APAF1: variants seen among roughly 807,000 people sequenced by gnomAD.
APAF1 encodes the protein apoptotic protease-activating factor 1.
Under a neutral mutation model 152.4 loss-of-function variants are expected in APAF1, and 91 were observed. That is an observed-to-expected ratio of 0.60 (90% CI 0.50 to 0.71). The LOEUF (loss-of-function observed/expected upper bound fraction) is 0.71, where lower values mean the gene tolerates loss of function less well. Among genes scored for constraint, APAF1 ranks in the 30% least tolerant of loss-of-function variants. APAF1 has a pLI of 0.00. For synonymous variants in APAF1, 484 were observed against 494.1 expected (o/e 0.98, Z 0.27); for missense variants, 1,283 against 1,472.0 (o/e 0.87, Z 2.10).
chr12:98,703,221 C>A, intron 17 of APAF1, 150 bp from the exon 18 acceptor site: 1 of 773,414 alleles, frequency 1.3e-6, no homozygotes, highest in Non-Finnish European at 2.2e-6. Context: ...GTATATTGAT[C>A]CATATTTTGT....
chr12:98,662,034 A>G (rs774976361), intron 5 of APAF1, among the ~76,000 whole-genome samples: 1 of 152,118 alleles, frequency 6.6e-6, no homozygotes, highest in African/African-American at 2.4e-5. Flanking sequence ...AAATGGTCAC[A>G]TATCATCATT....
In APAF1 at chr12:98,662,885, G is replaced by A. The variant is rs1307173313; in HGVS notation, c.955+79G>A. The A allele has an allele frequency of 1.4e-5, 20 of 1,425,216 alleles. No individual in the cohort carries two copies. In the East Asian group the frequency reaches 4.4e-4, roughly 31 times the overall value. The allele number at this position is 1,425,216 out of a possible 1,614,324, so 88.3% of individuals were successfully genotyped here. A position where few individuals can be genotyped will look rare whatever the true frequency, so the allele number is the denominator to read the frequency against. On this transcript the variant is annotated intron_variant, in intron 7 of 26. Transcript: ENST00000551964. ...TTTTGTTAATTGAGCTAATGAATAT[G>A]GTAATTTAGCACATGAACATCCAAA...
intron 5 of APAF1, 119 bp downstream of exon 5, chr12:98,659,462 AC>A: frequency 8.8e-7 from 1 of 1,140,892 alleles, no homozygotes; most frequent in Middle Eastern, 1.9e-4. Flanking sequence ...ATAAGAGAGA[AC>A]CATTGCGGCC....
At position 98,658,717 on chromosome 12, in the gene APAF1, T is replaced by A. The variant is rs566049514; in HGVS notation, c.527-443T>A. 2.6e-4 allele frequency among the ~76,000 whole-genome samples: 39 copies of A among 152,314 alleles called. No homozygotes were observed. In the East Asian group the frequency reaches 3.9e-3, roughly 15 times the overall value. ...GACAATGTTTGGAGACATTTTTGTTTGTCAGTACTGGTGAAGGGGAATCCT... is the reference window on the plus strand; with the variant it reads ...GACAATGTTTGGAGACATTTTTGTTAGTCAGTACTGGTGAAGGGGAATCCT... On this transcript the variant is annotated intron_variant, in intron 4 of 26. Transcript: ENST00000551964.
At chr12:98,717,155 C>A (rs112089778) in intron 22 of APAF1, among the ~76,000 whole-genome samples, 1 of 151,028 alleles carries the variant, frequency 6.6e-6, no homozygotes, top group African/African-American at 2.4e-5. Context: ...GGCATGAGCC[C>A]CCGCACCTGG....
intron 10 of APAF1, among the ~76,000 whole-genome samples, chr12:98,670,487 A>C (rs560118532): frequency 2.6e-5 from 4 of 152,076 alleles, no homozygotes; most frequent in African/African-American, 9.7e-5. Flanking sequence ...CTATAAAAAT[A>C]AGGATTGAAG....
intron 18 of APAF1, among the ~76,000 whole-genome samples, chr12:98,704,444 A>C (rs977844342): frequency 2.0e-5 from 3 of 152,218 alleles, no homozygotes; most frequent in Non-Finnish European, 4.4e-5. Flanking sequence ...GACTACTGCA[A>C]GCACTTCTTC....
At position 98,699,404 on chromosome 12, in the gene APAF1, A is replaced by G. The variant is rs375105315; in HGVS notation, c.2305-4A>G. On this transcript the variant is annotated splice_region_variant and splice_polypyrimidine_tract_variant and intron_variant, in intron 16 of 26. Transcript: ENST00000551964. ...TTTTTCTTTTTTATTACTTTAATTCAAAGCTTTGGGATGCGACATCAGCAA... is the reference window on the plus strand; with the variant it reads ...TTTTTCTTTTTTATTACTTTAATTCGAAGCTTTGGGATGCGACATCAGCAA... 5 of 1,613,720 alleles carry G rather than the reference A, an allele frequency of 3.1e-6. No homozygotes were observed. Among genetic ancestry groups the G allele is most frequent in the African/African-American group, 2.7e-5 (2 of 74,920 alleles).
chr12:98,652,104 C>A (rs1455161359), intron 4 of APAF1, among the ~76,000 whole-genome samples: 1 of 152,010 alleles, frequency 6.6e-6, no homozygotes, highest in Non-Finnish European at 1.5e-5. Flanking sequence ...TGTAAGCCAC[C>A]ATGCTTGGTG....
At chr12:98,679,247 C>G (rs1031001082) in intron 13 of APAF1, among the ~76,000 whole-genome samples, 8 of 152,108 alleles carry the variant, frequency 5.3e-5, no homozygotes, top group Admixed American at 4.6e-4. Flanking sequence ...ACTCTAGTGC[C>G]CCCTCTTTGC....
intron 22 of APAF1, 113 bp from the exon 23 acceptor site, chr12:98,723,080 T>C (rs2097745300): frequency 1.8e-6 from 2 of 1,101,428 alleles, no homozygotes; most frequent in East Asian, 2.5e-5. Context: ...TCTGTTTTAC[T>C]GAAATGCCAT....
chr12:98,690,046 C>T (rs2097702561), intron 16 of APAF1, among the ~76,000 whole-genome samples: 1 of 152,144 alleles, frequency 6.6e-6, no homozygotes, highest in Non-Finnish European at 1.5e-5. Context: ...TTCTTGACTA[C>T]ACCTTTTCTA....
At chr12:98,682,889 G>A (rs2097693926) in intron 14 of APAF1, among the ~76,000 whole-genome samples, 1 of 152,056 alleles carries the variant, frequency 6.6e-6, no homozygotes, top group South Asian at 2.1e-4. Context: ...CTTAAGAAAT[G>A]TCATGTGTTC....
intron 4 of APAF1, among the ~76,000 whole-genome samples, chr12:98,651,172 A>G (rs2097648474): frequency 6.6e-6 from 1 of 152,192 alleles, no homozygotes; most frequent in Non-Finnish European, 1.5e-5. Context: ...AGTTCAGAGG[A>G]CTGAGTTATT....
At chr12:98,716,003 C>A (rs372087287) in intron 22 of APAF1, among the ~76,000 whole-genome samples, 3 of 152,172 alleles carry the variant, frequency 2.0e-5, no homozygotes, top group South Asian at 4.1e-4. Flanking sequence ...GATATGGAGG[C>A]CTAAACTTAC....
chr12:98,661,569 C>T (rs369123286), intron 5 of APAF1, among the ~76,000 whole-genome samples: 5 of 151,916 alleles, frequency 3.3e-5, no homozygotes, highest in African/African-American at 4.8e-5. Flanking sequence ...CTCTGCCTCC[C>T]GGGTTCAAGC....
intron 4 of APAF1, among the ~76,000 whole-genome samples, chr12:98,651,013 A>G (rs142918745): frequency 3.4e-3 from 518 of 152,342 alleles, no homozygotes; most frequent in Non-Finnish European, 4.4e-3. Context: ...TTGACTAACA[A>G]TCTATGGAAT....
chr12:98,689,496 G>GTGTGTA (rs68165158), intron 16 of APAF1, among the ~76,000 whole-genome samples: 1 of 97,154 alleles, frequency 1.0e-5, no homozygotes, highest in African/African-American at 3.9e-5. Context: ...GTGTGTGTGT[G>GTGTGTA]AGAGAGAGAC....
intron 19 of APAF1, among the ~76,000 whole-genome samples, chr12:98,706,926 A>C (rs942684467): frequency 6.6e-5 from 10 of 152,152 alleles, no homozygotes; most frequent in Non-Finnish European, 1.2e-4. Flanking sequence ...TCCTACATCC[A>C]ATTACTTGCC....
Sources: allele counts gnomAD v4.1 joint callset (sites outside exome capture counted in the v4.1 genomes callset), GRCh38; gene constraint gnomAD v4.1.1; transcripts MANE v1.5; gene names NCBI Gene and HGNC (gene_info 2026-07-23, HGNC 2026-07-21).